The following RIMBP2 variants were observed in gnomAD, a reference collection of about 807,000 sequenced individuals.
RIMBP2 encodes RIMS-binding protein 2.
A neutral mutation model predicts 118.6 loss-of-function variants in RIMBP2; 48 were observed. That is an observed-to-expected ratio of 0.40 (90% confidence interval 0.32 to 0.51). The LOEUF (loss-of-function observed/expected upper bound fraction) is 0.51, where lower values mean the gene tolerates loss of function less well. Among genes scored for constraint, RIMBP2 ranks in the 20% least tolerant of loss-of-function variants. The pLI, the probability that RIMBP2 is intolerant of heterozygous loss-of-function variation, is 0.41. For missense variants in RIMBP2, 1,551 were observed against 1,768.3 expected, an observed-to-expected ratio of 0.88 and a Z score of 2.20; for synonymous variants, 762 against 742.9, an observed-to-expected ratio of 1.03 and a Z score of -0.42.
At chr12:130,533,464 A>G (rs1670719718) in intron 2 of RIMBP2, among the ~76,000 whole-genome samples, 1 of 152,230 alleles carries the variant, frequency 6.6e-6, no homozygotes, top group African/African-American at 2.4e-5. Flanking sequence ...TGGAATATAA[A>G]TTAGTATAAC....
chr12:130,456,691 G>T lies in RIMBP2; in HGVS notation c.163C>A (p.Arg55=), dbSNP rs778628806. The T allele has an allele frequency of 1.9e-6, 3 of 1,605,984 alleles. No homozygotes were observed. In the Admixed American group the frequency reaches 5.0e-5, roughly 27 times the overall value. Residue 55 remains arginine, a synonymous_variant, in exon 7 of 23, where the codon CGA becomes AGA. Transcript: ENST00000690449. ...GAVRLLESKV[R]ELEEKCRTQS... ...GTCCGGCATTTCTCTTCCAGCTCTC[G>T]AACCTTGGACTGCACGGCAGAAGCA...
chr12:130,428,151 G>A, intron 15 of RIMBP2, 28 bp downstream of exon 15: 4 of 1,560,740 alleles, frequency 2.6e-6, no homozygotes, highest in Non-Finnish European at 3.5e-6. Flanking sequence ...GGGACGGAGT[G>A]CAGGGTCCCC....
At chr12:130,418,567 A>G (rs893327114) in intron 17 of RIMBP2, among the ~76,000 whole-genome samples, 2 of 152,176 alleles carry the variant, frequency 1.3e-5, no homozygotes, top group African/African-American at 4.8e-5. Flanking sequence ...GAAAAATGCC[A>G]GTGGAGGAGA....
chr12:130,402,512 C>T (rs962040355), intron 21 of RIMBP2, among the ~76,000 whole-genome samples: 1 of 152,144 alleles, frequency 6.6e-6, no homozygotes, highest in African/African-American at 2.4e-5. Flanking sequence ...TCCCATCCCC[C>T]TTCAAAAGTG....
chr12:130,538,295 G>GAA (rs35801626), intron 2 of RIMBP2, among the ~76,000 whole-genome samples: 1 of 150,962 alleles, frequency 6.6e-6, no homozygotes, highest in Admixed American at 6.6e-5. Context: ...CTTCACAGTG[G>GAA]AAAAAAAAAT....
rs747160718 is a variant in RIMBP2, at chr12:130,431,470, C to A, written c.2254-3133G>T. 1 of 390,674 alleles carries A rather than the reference C, an allele frequency of 2.6e-6. No homozygotes were observed. Among genetic ancestry groups the A allele is most frequent in the South Asian group, 2.0e-5 (1 of 50,996 alleles). 24.2% of individuals were successfully genotyped at this position (390,674 alleles called of 1,614,324 possible). ...CATCTGTATGATTAATGAATGTATT[C>A]TTTGAATTGAATCAATATTTAACGT... On this transcript the variant is annotated intron_variant, in intron 14 of 22. Coordinates refer to ENST00000690449, the MANE Select transcript of RIMBP2 (RefSeq NM_001393629.1). This position sits in a 1 kb window ranked among gnomAD's most constrained non-coding sequence, Gnocchi z 4.0.
At chr12:130,709,923 G>A (rs555007640) in intron 1 of RIMBP2, among the ~76,000 whole-genome samples, 3 of 152,278 alleles carry the variant, frequency 2.0e-5, no homozygotes, top group African/African-American at 7.2e-5. Context: ...GGCAGGGGAA[G>A]GAGCGCGGTA....
In RIMBP2 at chr12:130,419,194, C is replaced by G. The variant is rs917229111; in HGVS notation, c.3238+3259G>C. Among the ~76,000 whole-genome samples the G allele has an allele frequency of 2.6e-5, 4 of 152,160 alleles. No individual in the cohort carries two copies. Among genetic ancestry groups the G allele is most frequent in the Non-Finnish European group, 4.4e-5 (3 of 68,028 alleles). ...ACTGGGCAGTTGGGGGTCCCTTGTC[C>G]TTGGTGATGGCAGGCGAGACTGAAA... On this transcript the variant is annotated intron_variant, in intron 17 of 22. Coordinates refer to ENST00000690449, the MANE Select transcript of RIMBP2 (RefSeq NM_001393629.1). The surrounding 1 kb of genome is among the most constrained non-coding windows in gnomAD (Gnocchi z 4.3).
At chr12:130,507,993 C>A (rs1043922218) in intron 3 of RIMBP2, among the ~76,000 whole-genome samples, 2 of 152,114 alleles carry the variant, frequency 1.3e-5, no homozygotes, top group Non-Finnish European at 2.9e-5. Flanking sequence ...ATTAAGAGGT[C>A]GTAGAGAGGT....
intron 4 of RIMBP2, among the ~76,000 whole-genome samples, chr12:130,489,981 A>G (rs989096255): frequency 2.0e-5 from 3 of 152,008 alleles, no homozygotes; most frequent in Admixed American, 1.3e-4. Context: ...AAAATTAGCC[A>G]GGCATGGTGG....
chr12:130,698,960 G>A (rs2065705339), intron 1 of RIMBP2, among the ~76,000 whole-genome samples: 2 of 152,140 alleles, frequency 1.3e-5, no homozygotes, highest in South Asian at 4.2e-4. Context: ...CATTTATGCA[G>A]CCAAAAAACA....
chr12:130,452,989 T>C (rs1375609644), intron 7 of RIMBP2, among the ~76,000 whole-genome samples: 1 of 152,234 alleles, frequency 6.6e-6, no homozygotes, highest in Non-Finnish European at 1.5e-5. Flanking sequence ...TGCCTTCAAA[T>C]GGGGCTGGTT....
Position 130,621,749 on chromosome 12 carries a change from G to A in RIMBP2, c.-217+6573C>T, listed in dbSNP as rs566526966. ...TACCGAGACCTGGGTACCATAGCTG[G>A]AAGTGTGACTATTTCCTCGACATTT... On this transcript the variant is annotated intron_variant, in intron 2 of 22. Transcript: ENST00000690449. The surrounding 1 kb of genome is among the most constrained non-coding windows in gnomAD (Gnocchi z 6.6). Among the ~76,000 whole-genome samples, 7 of 152,232 alleles carry A rather than the reference G, an allele frequency of 4.6e-5. No individual in the cohort carries two copies. Among genetic ancestry groups the A allele is most frequent in the African/African-American group, 1.7e-4 (7 of 41,528 alleles).
chr12:130,709,691 G>A lies in RIMBP2; in HGVS notation c.-352+6531C>T, dbSNP rs938934335. Among the ~76,000 whole-genome samples the A allele has an allele frequency of 9.9e-5, 15 of 152,078 alleles. No homozygotes were observed. The East Asian group carries it at 1.6e-3, about 16-fold the overall frequency. On this transcript the variant is annotated intron_variant, in intron 1 of 22. Transcript: ENST00000690449. ...GTGTGTTCCTGCTCTTGGAAACCAC[G>A]TCGGTAATAAGCATGAAGAATGCCT...
intron 1 of RIMBP2, among the ~76,000 whole-genome samples, chr12:130,690,394 G>T (rs1167097238): frequency 6.6e-6 from 1 of 152,230 alleles, no homozygotes; most frequent in Non-Finnish European, 1.5e-5. Context: ...GAACCTGAGA[G>T]AATGAGGCTC....
intron 1 of RIMBP2, among the ~76,000 whole-genome samples, chr12:130,665,423 G>A (rs764582996): frequency 5.9e-5 from 9 of 151,388 alleles, no homozygotes; most frequent in African/African-American, 9.8e-5. Context: ...TACTTGGGAG[G>A]CTGAGGCAGG....
chr12:130,401,528 C>A (rs1345592534), intron 21 of RIMBP2, among the ~76,000 whole-genome samples: 1 of 151,842 alleles, frequency 6.6e-6, no homozygotes, highest in Non-Finnish European at 1.5e-5. Context: ...CACTCACTGC[C>A]CTGCCCCGCC....
intron 1 of RIMBP2, among the ~76,000 whole-genome samples, chr12:130,635,906 C>T (rs1010996284): frequency 6.6e-6 from 1 of 152,068 alleles, no homozygotes; most frequent in African/African-American, 2.4e-5. Flanking sequence ...TCCACTCTAC[C>T]ACCCCCTACT....
At chr12:130,660,797 T>C (rs1012077959) in intron 1 of RIMBP2, 3 of 151,290 alleles carry the variant, frequency 2.0e-5, no homozygotes, top group Admixed American at 6.6e-5. Flanking sequence ...CAATTTCACA[T>C]GGCGGCACGC....
Sources: gnomAD v4.1 joint callset for allele counts (sites outside exome capture counted in the v4.1 genomes callset) on GRCh38, gnomAD v4.1.1 for gene constraint, Gnocchi (gnomAD v3.1) non-coding constraint, MANE v1.5 for transcripts, NCBI Gene and HGNC (gene_info 2026-07-23, HGNC 2026-07-21) for gene names.